The following DSCAML1 variants were observed in gnomAD, a reference collection of about 807,000 sequenced individuals.
DSCAML1 encodes the protein cell adhesion molecule DSCAML1.
Under a neutral mutation model 200.5 loss-of-function variants are expected in DSCAML1, and 38 were observed. The ratio of observed to expected loss-of-function variants is 0.19; its 90% confidence interval spans 0.15 to 0.25. The LOEUF (loss-of-function observed/expected upper bound fraction) is 0.25, where lower values mean the gene tolerates loss of function less well. DSCAML1 is among the 10% of genes least tolerant of loss of function. The pLI is 1.00. For synonymous variants in DSCAML1, 1,215 were observed against 1,165.0 expected (o/e 1.04, Z -0.87); for missense variants, 2,223 against 2,858.8 (o/e 0.78, Z 5.07).
At chr11:117,453,866 C>T (rs2048328562) in intron 19 of DSCAML1, among the ~76,000 whole-genome samples, 1 of 151,878 alleles carries the variant, frequency 6.6e-6, no homozygotes. Context: ...CCTCAGCCTC[C>T]TGAGTAGCTG....
At chr11:117,497,346 G>A (rs1472482801) in intron 11 of DSCAML1, among the ~76,000 whole-genome samples, 2 of 152,164 alleles carry the variant, frequency 1.3e-5, no homozygotes, top group Admixed American at 1.3e-4. Context: ...TGCAGAGGGT[G>A]GGGAGAGCCT....
upstream of DSCAML1, among the ~76,000 whole-genome samples, chr11:117,797,796 T>C (rs1354714489): frequency 6.6e-6 from 1 of 152,228 alleles, no homozygotes; most frequent in Non-Finnish European, 1.5e-5. Flanking sequence ...ACTTGGCACA[T>C]TGTGACTATT....
chr11:117,567,651 C>T (rs1313638253), intron 3 of DSCAML1, among the ~76,000 whole-genome samples: 2 of 152,214 alleles, frequency 1.3e-5, no homozygotes, highest in African/African-American at 4.8e-5. Context: ...TCGACACATA[C>T]ACTCTCCCAA....
At chr11:117,704,324 T>C (rs899898404) in intron 3 of DSCAML1, among the ~76,000 whole-genome samples, 7 of 152,348 alleles carry the variant, frequency 4.6e-5, no homozygotes, top group African/African-American at 1.7e-4. Flanking sequence ...TGTTCTTTTT[T>C]CTTCCTTCTA....
chr11:117,816,340 T>G lies in DSCAML1; in HGVS notation c.-250+1050A>C, dbSNP rs2055806262. ...GGCTCCGAGGCCCAGGCCCAATCCATCTTCCCAGCCAGTGACTCGCTCTGA... is the reference window on the plus strand; with the variant it reads ...GGCTCCGAGGCCCAGGCCCAATCCAGCTTCCCAGCCAGTGACTCGCTCTGA... On this transcript the variant is annotated intron_variant, in intron 1 of 2. Transcript: ENST00000525836. 2.6e-5 allele frequency among the ~76,000 whole-genome samples: 4 copies of G among 152,192 alleles called. No individual in the cohort carries two copies. In the South Asian group the frequency reaches 8.3e-4, roughly 32 times the overall value.
chr11:117,727,391 C>T lies in DSCAML1; in HGVS notation c.511+49400G>A, dbSNP rs140123696. On this transcript the variant is annotated intron_variant, in intron 3 of 32. Coordinates refer to ENST00000651296, the MANE Select transcript of DSCAML1 (RefSeq NM_020693.4). ...CCCCAGAATCTTCTCTCTCTCCATC[C>T]GTCTTCAGCATCCACACTTTCCACC... Among the ~76,000 whole-genome samples the T allele has an allele frequency of 2.8e-4, 43 of 152,316 alleles. 1 individual carries two copies. The East Asian group carries it at 6.9e-3, about 25-fold the overall frequency.
At chr11:117,666,325 T>G (rs1250397143) in intron 3 of DSCAML1, among the ~76,000 whole-genome samples, 1 of 152,154 alleles carries the variant, frequency 6.6e-6, no homozygotes, top group Admixed American at 6.5e-5. Flanking sequence ...ACCCACCCAG[T>G]AGCTAGCATT....
At chr11:117,791,966 TCACATGG>T (rs1220796400) in intron 1 of DSCAML1, among the ~76,000 whole-genome samples, 1 of 152,218 alleles carries the variant, frequency 6.6e-6, no homozygotes, top group African/African-American at 2.4e-5. Flanking sequence ...AGGCCCAAAG[TCACATGG>T]CCAGTAAGTG....
intron 29 of DSCAML1, 37 bp downstream of exon 29, chr11:117,433,101 C>T (rs1258642672): frequency 6.3e-7 from 1 of 1,580,540 alleles, no homozygotes; most frequent in Non-Finnish European, 8.7e-7. Context: ...GGAAGCACAC[C>T]CAGCAGGACA....
At chr11:117,534,165 G>A (rs1268675061) in intron 3 of DSCAML1, among the ~76,000 whole-genome samples, 1 of 152,222 alleles carries the variant, frequency 6.6e-6, no homozygotes, top group Non-Finnish European at 1.5e-5. Context: ...CAAGATGAGA[G>A]CTCTGCTCTT....
chr11:117,612,247 G>C (rs1435008752), intron 3 of DSCAML1, among the ~76,000 whole-genome samples: 1 of 152,220 alleles, frequency 6.6e-6, no homozygotes, highest in African/African-American at 2.4e-5. Flanking sequence ...AAAGTTGAGA[G>C]AGCCTCTTTC....
chr11:117,696,176 G>C (rs4936395), intron 3 of DSCAML1, among the ~76,000 whole-genome samples: 39,862 of 152,178 alleles, frequency 0.26, 6,640 homozygotes, highest in South Asian at 0.44. Context: ...GGAGACGGGA[G>C]CAAGAAGCTT....
chr11:117,491,558 CTGAGTTTGACT>C (rs1251867552), intron 11 of DSCAML1, among the ~76,000 whole-genome samples: 2 of 152,126 alleles, frequency 1.3e-5, no homozygotes, highest in Non-Finnish European at 2.9e-5. Flanking sequence ...TTGAGCTGAC[CTGAGTTTGACT>C]TGAGTTTGAG....
chr11:117,555,936 G>T (rs1362361676), intron 3 of DSCAML1, among the ~76,000 whole-genome samples: 2 of 149,324 alleles, frequency 1.3e-5, no homozygotes, highest in African/African-American at 2.5e-5. Context: ...TATTCCAAGG[G>T]TCCTTGAGGA....
chr11:117,764,055 G>A (rs1312854785), intron 3 of DSCAML1, among the ~76,000 whole-genome samples: 1 of 152,108 alleles, frequency 6.6e-6, no homozygotes, highest in Non-Finnish European at 1.5e-5. Flanking sequence ...GGGGTCACCT[G>A]TGTCCCATAC....
chr11:117,499,797 C>A (rs887431132), intron 11 of DSCAML1, among the ~76,000 whole-genome samples: 3 of 152,168 alleles, frequency 2.0e-5, no homozygotes, highest in Admixed American at 6.5e-5. Context: ...TCAAAGATGT[C>A]CAAGGACTTG....
At chr11:117,613,305 T>C (rs2051735207) in intron 3 of DSCAML1, among the ~76,000 whole-genome samples, 3 of 151,800 alleles carry the variant, frequency 2.0e-5, no homozygotes, top group Admixed American at 2.0e-4. Flanking sequence ...CTTGGAGTAA[T>C]AGTAAAGACA....
intron 3 of DSCAML1, among the ~76,000 whole-genome samples, chr11:117,761,641 T>C (rs1377895243): frequency 6.6e-6 from 1 of 152,080 alleles, no homozygotes; most frequent in Non-Finnish European, 1.5e-5. Flanking sequence ...AAGGCTGAGG[T>C]GGGAGGATCA....
chr11:117,593,089 C>T (rs763285506), intron 3 of DSCAML1, among the ~76,000 whole-genome samples: 33 of 152,370 alleles, frequency 2.2e-4, no homozygotes, highest in Non-Finnish European at 4.1e-4. Context: ...AAACAAGAGG[C>T]TGTCCCTGTT....
Sources: gnomAD v4.1 joint callset for allele counts (sites outside exome capture counted in the v4.1 genomes callset) on GRCh38, gnomAD v4.1.1 for gene constraint, MANE v1.5 for transcripts, NCBI Gene and HGNC (gene_info 2026-07-23, HGNC 2026-07-21) for gene names.